Variants in FAM161A observed in about 807,000 individuals in gnomAD.
The protein encoded by FAM161A is protein FAM161A.
Under a neutral mutation model 70.9 loss-of-function variants are expected in FAM161A, and 57 were observed. The observed-to-expected ratio is 0.80, with a 90% CI of 0.65 to 1.00. The LOEUF (loss-of-function observed/expected upper bound fraction) is 1.00, where lower values mean the gene tolerates loss of function less well. Ranked by LOEUF, FAM161A falls within the 50% of genes least tolerant of loss-of-function variation. FAM161A has a pLI of 0.00. For synonymous variants in FAM161A, 299 were observed against 295.7 expected, an observed-to-expected ratio of 1.01 and a Z score of -0.12; for missense variants, 880 against 836.0, an observed-to-expected ratio of 1.05 and a Z score of -0.65.
rs1190453744 is a variant in FAM161A, at chr2:61,840,215, T to C, written c.789A>G (p.Glu263=). Residue 263 remains glutamate, a synonymous_variant, in exon 3 of 7, where the codon GAA becomes GAG. Coordinates refer to ENST00000404929, the MANE Select transcript of FAM161A (RefSeq NM_001201543.2). ...EESMKSKSDI[E]MVHKALKKQE... The stretch of plus-strand genomic sequence containing the variant: ...GTTTTTTGAGCGCTTTATGTACCAT[T>C]TCGATATCTGATTTAGATTTCATGG... 1 of 1,613,826 alleles carries C rather than the reference T, an allele frequency of 6.2e-7. No individual in the cohort carries two copies. The highest frequency in any genetic ancestry group is 1.3e-5 in the African/African-American group (1 of 74,878).
At chr2:61,820,143 C>G, downstream of FAM161A, 1 of 484,228 alleles carries the variant, frequency 2.1e-6, no homozygotes, top group Non-Finnish European at 3.7e-6. Flanking sequence ...AGACACCCAC[C>G]TTCTGTCCGT....
chr2:61,832,427 C>G (rs1280111830), intron 5 of FAM161A, among the ~76,000 whole-genome samples: 1 of 152,192 alleles, frequency 6.6e-6, no homozygotes, highest in South Asian at 2.1e-4. Context: ...AGGAAATCTT[C>G]CAGAACTAGA....
chr2:61,804,597 A>G, the FAM161A span, among the ~76,000 whole-genome samples: 2 of 151,724 alleles, frequency 1.3e-5, no homozygotes, highest in African/African-American at 4.8e-5. Flanking sequence ...AGGCAGGAGA[A>G]TTGTCTGAAC....
chr2:61,817,344 C>T, the FAM161A span, among the ~76,000 whole-genome samples: 4 of 152,124 alleles, frequency 2.6e-5, no homozygotes, highest in Non-Finnish European at 5.9e-5. Context: ...CACAAGGAAA[C>T]AAGAAAATGC....
In FAM161A at chr2:61,825,698, C is replaced by T. The variant is rs560037933; in HGVS notation, c.*757G>A. On this transcript the variant is annotated 3_prime_UTR_variant, in exon 7 of 7. Transcript: ENST00000404929. ...TGTTGCCCAAGCTGGAGTGCAGTGG[C>T]GCGATCTCGGCTCACTGCAAGCTCT... 18 of 416,536 alleles carry T rather than the reference C, an allele frequency of 4.3e-5. No individual in the cohort carries two copies. The highest frequency in any genetic ancestry group is 7.1e-5 in the South Asian group (4 of 56,494). The allele number at this position is 416,536 out of a possible 1,614,324, so 25.8% of individuals were successfully genotyped here. A position where few individuals can be genotyped will look rare whatever the true frequency, so the allele number is the denominator to read the frequency against.
the FAM161A span, among the ~76,000 whole-genome samples, chr2:61,819,475 C>T: frequency 1.4e-3 from 207 of 152,072 alleles, 1 homozygote; most frequent in African/African-American, 4.6e-3. Context: ...AACAAAAAAG[C>T]CAATACAACA....
downstream of FAM161A, among the ~76,000 whole-genome samples, chr2:61,820,030 A>G (rs1166733147): frequency 6.6e-6 from 1 of 152,192 alleles, no homozygotes; most frequent in Admixed American, 6.5e-5. Context: ...CATCACAGAC[A>G]CATGTAGCTG....
rs1558484966 is a variant in FAM161A at position 61,840,423 on chromosome 2, T to C, written c.581A>G (p.Tyr194Cys). Residue 194 changes from tyrosine to cysteine, a missense_variant, in exon 3 of 7, where the codon TAT becomes TGT. Coordinates refer to ENST00000404929, the MANE Select transcript of FAM161A (RefSeq NM_001201543.2). ...EYPRKNRMMT[Y>C]AKELINNMWT... ...CATATTGTTGATGAGCTCCTTAGCA[T>C]AGGTCATCATTCTGTTTTTCCTAGG... is the stretch of plus-strand genomic sequence containing the variant. The C allele has an allele frequency of 1.9e-6, 3 of 1,614,036 alleles. No individual in the cohort carries two copies. Among genetic ancestry groups the C allele is most frequent in the Non-Finnish European group, 2.5e-6 (3 of 1,180,036 alleles).
In FAM161A at chr2:61,839,820, G is replaced by A. The variant is rs746458197; in HGVS notation, c.1184C>T (p.Ser395Leu). The change falls in exon 3 of 7, where the codon TCA (serine) becomes TTA (leucine). Residue 395 changes from serine (S) to leucine (L), a missense_variant. Physicochemically the swap from Ser to Leu is moderately radical, Grantham distance 145. Transcript: ENST00000404929. ...QLRAQEHLQN[S>L]SPLPCRSACG... is the part of the protein sequence containing the mutation. ...AGCTGACCTACAAGGCAGAGGAGAT[G>A]AGTTCTGTAAATGCTCCTGGGCTCT... The A allele has an allele frequency of 5.6e-6, 9 of 1,614,094 alleles. No individual in the cohort carries two copies. The East Asian group carries it at 6.7e-5, about 12-fold the overall frequency.
rs1420773744 is a variant in FAM161A at position 61,825,002 on chromosome 2, T to C, written c.*1453A>G. The C allele has an allele frequency of 2.2e-6, 1 of 453,124 alleles. No individual in the cohort carries two copies. Among genetic ancestry groups the C allele is most frequent in the Non-Finnish European group, 4.4e-6 (1 of 226,614 alleles). The allele number at this position is 453,124 out of a possible 1,614,324, so 28.1% of individuals were successfully genotyped here. A position where few individuals can be genotyped will look rare whatever the true frequency, so the allele number is the denominator to read the frequency against. ...TAGTAAAAAGTAATTTAACACGAAC[T>C]GTAGGAAGAAAATTACAAGTAAACA... On this transcript the variant is annotated 3_prime_UTR_variant, in exon 7 of 7. Transcript: ENST00000404929.
chr2:61,801,568 GTT>G, the FAM161A span, among the ~76,000 whole-genome samples: 5 of 127,796 alleles, frequency 3.9e-5, no homozygotes, highest in Non-Finnish European at 5.0e-5. Context: ...GGTTTTTTTG[GTT>G]TTTTTTTTTT....
rs1373258368 is a variant in FAM161A at position 61,840,138 on chromosome 2, G to T, written c.866C>A (p.Ala289Glu). ...ATGGTAAAGGGGGAGAAAGACAGATGCAGGAACTGGATTGGCTCGGAATTT... is the reference window on the plus strand; with the variant it reads ...ATGGTAAAGGGGGAGAAAGACAGATTCAGGAACTGGATTGGCTCGGAATTT... ...KKKFRANPVP[A>E]SVFLPLYHDL... Residue 289 changes from alanine (A) to glutamate (E), a missense_variant, in exon 3 of 7, where the codon GCA becomes GAA. Coordinates refer to ENST00000404929, the MANE Select transcript of FAM161A (RefSeq NM_001201543.2). The T allele has an allele frequency of 6.2e-7, 1 of 1,614,160 alleles. No individual in the cohort carries two copies. Among genetic ancestry groups the T allele is most frequent in the Non-Finnish European group, 8.5e-7 (1 of 1,180,034 alleles).
intron 6 of FAM161A, 93 bp downstream of exon 6, chr2:61,827,011 T>C (rs1304872114): frequency 2.4e-6 from 3 of 1,240,596 alleles, no homozygotes; most frequent in Non-Finnish European, 3.5e-6. Context: ...TAAAACAATA[T>C]AGAACAAAAA....
intron 2 of FAM161A, 23 bp downstream of exon 2, chr2:61,842,099 A>G (rs376052725): frequency 4.4e-6 from 6 of 1,352,048 alleles, no homozygotes; most frequent in Non-Finnish European, 5.3e-6. Context: ...TACTCCACAA[A>G]TAACATTGAG....
At position 61,838,591 on chromosome 2, in the gene FAM161A, A is replaced by G. The variant is rs1572875759; in HGVS notation, c.1698T>C (p.Tyr566=). ...TTTGAGCTAAACTTTGATGTGAGTC[A>G]TAAGCCTTAGCCCGGGTTGTCAGGA... ...QKLLTTRAKA[Y]DSHQSLAQIS... Residue 566 remains tyrosine (Y), a synonymous_variant, in exon 4 of 7, where the codon TAT becomes TAC. Coordinates refer to ENST00000404929, the MANE Select transcript of FAM161A (RefSeq NM_001201543.2). 1 of 1,612,218 alleles carries G rather than the reference A, an allele frequency of 6.2e-7. No homozygotes were observed. The highest frequency in any genetic ancestry group is 8.5e-7 in the Non-Finnish European group (1 of 1,179,464).
the FAM161A span, among the ~76,000 whole-genome samples, chr2:61,804,806 GAAAGAAAGAA>G: frequency 1.4e-5 from 2 of 141,400 alleles, no homozygotes; most frequent in African/African-American, 2.6e-5. Flanking sequence ...AAGAAAGAAA[GAAAGAAAGAA>G]AGAGAAAGAG....
chr2:61,839,627 A>T lies in FAM161A; in HGVS notation c.1377T>A (p.Leu459=). ...TAATAGATGCATGTGGAGATGCATG[A>T]AGATCAAATGGTTTACACACTGTTA... ...KLLTVCKPFD[L]HASPHASIKR... The change falls in exon 3 of 7, where the codon CTT becomes CTA. Residue 459 remains leucine (L), a synonymous_variant. Transcript: ENST00000404929. 1 of 1,614,180 alleles carries T rather than the reference A, an allele frequency of 6.2e-7. No individual in the cohort carries two copies. Among genetic ancestry groups the T allele is most frequent in the Non-Finnish European group, 8.5e-7 (1 of 1,180,008 alleles).
chr2:61,838,319 C>T (rs1185170771), intron 4 of FAM161A, among the ~76,000 whole-genome samples: 2 of 152,194 alleles, frequency 1.3e-5, no homozygotes, highest in Admixed American at 6.5e-5. Context: ...TATTCATCAA[C>T]ATAGCTTCAT....
chr2:61,810,081 C>G, the FAM161A span, among the ~76,000 whole-genome samples: 9 of 152,266 alleles, frequency 5.9e-5, no homozygotes, highest in African/African-American at 1.9e-4. Flanking sequence ...CCAGTTGAGT[C>G]CAGCCCAAAT....
Sources: gnomAD v4.1 joint callset for allele counts (sites outside exome capture counted in the v4.1 genomes callset) on GRCh38, gnomAD v4.1.1 for gene constraint, MANE v1.5 for transcripts, NCBI Gene and HGNC (gene_info 2026-07-23, HGNC 2026-07-21) for gene names.